The following SERINC1 variants were observed in gnomAD, a reference collection of about 807,000 sequenced individuals.
SERINC1 encodes serine incorporator 1, also known as tumor differentially expressed protein 2.
SERINC1 carries 38 observed loss-of-function variants against 52.9 expected under a neutral mutation model. The observed-to-expected ratio is 0.72, with a 90% CI of 0.55 to 0.94. SERINC1 has a LOEUF of 0.94. Ranked by LOEUF, SERINC1 falls within the 40% of genes least tolerant of loss-of-function variation. The pLI is 0.00. For synonymous variants in SERINC1, 198 were observed against 183.1 expected, an observed-to-expected ratio of 1.08 and a Z score of -0.66; for missense variants, 471 against 533.9, an observed-to-expected ratio of 0.88 and a Z score of 1.16.
rs770189250 is a variant in SERINC1 at position 122,471,731 on chromosome 6, T to C, written c.7A>G (p.Ser3Gly). The C allele has an allele frequency of 6.2e-7, 1 of 1,613,950 alleles. No individual in the cohort carries two copies. The highest frequency in any genetic ancestry group is 8.5e-7 in the Non-Finnish European group (1 of 1,179,978). The change falls in exon 1 of 10, where the codon AGC becomes GGC. Residue 3 changes from serine (S) to glycine (G), a missense_variant. Transcript: ENST00000339697. ...GCCATGGAGCACAGCCCCAGGACGC[T>C]CCCCATCTCCACAACGTCACAAGAG... is the stretch of plus-strand genomic sequence containing the variant. MGSVLGLCSMASW... is the reference protein window; with the variant it reads MGGVLGLCSMASW...
intron 1 of SERINC1, among the ~76,000 whole-genome samples, chr6:122,470,243 T>A (rs927495336): frequency 1.3e-5 from 2 of 152,206 alleles, no homozygotes; most frequent in Non-Finnish European, 2.9e-5. Flanking sequence ...ACCTTTTTAA[T>A]GTACTTCGCT....
intron 2 of SERINC1, among the ~76,000 whole-genome samples, chr6:122,457,173 T>A (rs1416166779): frequency 6.6e-6 from 1 of 152,180 alleles, no homozygotes; most frequent in East Asian, 1.9e-4. Flanking sequence ...ATAGACACTA[T>A]CCCTGTCATT....
chr6:122,453,951 T>G (rs1462736555), intron 4 of SERINC1, 44 bp from the exon 5 acceptor site: 9 of 1,530,730 alleles, frequency 5.9e-6, no homozygotes, highest in Non-Finnish European at 7.9e-6. Flanking sequence ...GTTAGTTTGA[T>G]TTTTATCATT....
chr6:122,469,589 C>T (rs572280039), intron 1 of SERINC1, among the ~76,000 whole-genome samples: 1 of 152,192 alleles, frequency 6.6e-6, no homozygotes, highest in African/African-American at 2.4e-5. Context: ...TGGAGTCTTG[C>T]TCTGTTGCCC....
In SERINC1 at chr6:122,456,496, G is replaced by A; in HGVS notation, c.356C>T (p.Ala119Val). 1 of 1,598,040 alleles carries A rather than the reference G, an allele frequency of 6.3e-7. No homozygotes were observed. The highest frequency in any genetic ancestry group is 8.5e-7 in the Non-Finnish European group (1 of 1,173,916). ...IKVKSSSDPRAAVHNGFWFFK... is the reference protein window; with the variant it reads ...IKVKSSSDPRVAVHNGFWFFK... ...AAAAACTTACCCATTGTGCACTGCA[G>A]CTCTAGGATCACTGCTACTCTTCAC... Residue 119 changes from alanine to valine, a missense_variant, in exon 3 of 10, where the codon GCT becomes GTT. By Grantham distance (64) the Ala-to-Val change is moderately conservative. Coordinates refer to ENST00000339697, the MANE Select transcript of SERINC1 (RefSeq NM_020755.4).
Position 122,453,828 on chromosome 6 carries a change from T to C in SERINC1, c.531A>G (p.Ser177=), listed in dbSNP as rs1248587402. 1 of 1,610,324 alleles carries C rather than the reference T, an allele frequency of 6.2e-7. No homozygotes were observed. The highest frequency in any genetic ancestry group is 8.5e-7 in the Non-Finnish European group (1 of 1,177,426). The change falls in exon 5 of 10, where the codon TCA becomes TCG. Residue 177 remains serine, a synonymous_variant. Transcript: ENST00000339697. ...QLVLLIDFAH[S]WNESWVEKME... is the part of the protein sequence containing the mutation. ...TTTTTTCAACCCACGATTCATTCCA[T>C]GAATGTGCAAAATCAATAAGTAAGA...
At chr6:122,463,442 G>C (rs974721902) in intron 1 of SERINC1, among the ~76,000 whole-genome samples, 4 of 152,070 alleles carry the variant, frequency 2.6e-5, no homozygotes, top group African/African-American at 7.2e-5. Context: ...GAAAATACTT[G>C]CAAGTGAGGT....
At chr6:122,453,292 G>C (rs377081935) in intron 5 of SERINC1, among the ~76,000 whole-genome samples, 1 of 152,078 alleles carries the variant, frequency 6.6e-6, no homozygotes, top group South Asian at 2.1e-4. Flanking sequence ...ATTACTATAG[G>C]AATTCCTTTA....
intron 1 of SERINC1, among the ~76,000 whole-genome samples, chr6:122,469,146 A>C (rs1245808160): frequency 6.6e-6 from 1 of 152,188 alleles, no homozygotes; most frequent in Non-Finnish European, 1.5e-5. Flanking sequence ...CAAAAAGTGA[A>C]CAATTTAACA....
At chr6:122,467,429 A>G (rs1775208832) in intron 1 of SERINC1, among the ~76,000 whole-genome samples, 2 of 152,126 alleles carry the variant, frequency 1.3e-5, no homozygotes, top group South Asian at 4.1e-4. Flanking sequence ...AACATGACAA[A>G]ACACCATCTC....
chr6:122,471,016 CGCATGTTTTGTGCCTAAAGA>C (rs1350852207), intron 1 of SERINC1, among the ~76,000 whole-genome samples: 2 of 150,698 alleles, frequency 1.3e-5, no homozygotes, highest in Non-Finnish European at 3.0e-5. Context: ...AGATGACACA[CGCATGTTTTGTGCCTAAAGA>C]CAAAATTGTC....
chr6:122,465,204 G>A (rs928260471), intron 1 of SERINC1, among the ~76,000 whole-genome samples: 6 of 152,034 alleles, frequency 3.9e-5, no homozygotes, highest in Non-Finnish European at 8.8e-5. Flanking sequence ...AAAAGTTAAC[G>A]AGCAACACAA....
chr6:122,464,321 A>T (rs1775151834), intron 1 of SERINC1, among the ~76,000 whole-genome samples: 1 of 152,216 alleles, frequency 6.6e-6, no homozygotes, highest in Admixed American at 6.5e-5. Flanking sequence ...GAATTAAAGG[A>T]TATTCACAGA....
chr6:122,452,196 G>T, intron 5 of SERINC1, 139 bp from the exon 6 acceptor site: 1 of 516,660 alleles, frequency 1.9e-6, no homozygotes, highest in Non-Finnish European at 3.1e-6. Context: ...CATTATAAAG[G>T]CTATAAAAGC....
At chr6:122,454,407 C>A in intron 3 of SERINC1, 177 bp from the exon 4 acceptor site, 1 of 536,582 alleles carries the variant, frequency 1.9e-6, no homozygotes, top group Admixed American at 3.3e-5. Flanking sequence ...ACAAGGTAAT[C>A]ATCATATTTA....
intron 3 of SERINC1, chr6:122,454,622 C>G (rs1313710696): frequency 5.5e-6 from 1 of 181,504 alleles, no homozygotes; most frequent in African/African-American, 2.4e-5. Flanking sequence ...AATGATAAGA[C>G]ATTTTGGGGA....
Position 122,468,537 on chromosome 6 carries a change from CT to C in SERINC1, c.39+3161del, listed in dbSNP as rs996487077. Among the ~76,000 whole-genome samples the C allele has an allele frequency of 1.8e-3, 262 of 149,476 alleles. 1 individual carries two copies. The highest frequency in any genetic ancestry group is 6.0e-3 in the African/African-American group (245 of 40,812). On this transcript the variant is annotated intron_variant, in intron 1 of 9. Transcript: ENST00000339697. Reference sequence around the variant, plus strand: ...GACAAATGTTAACATTTAAGAATTACTTTTTTTTTTGTTAAATTCAAGAAAC... The same window carrying C: ...GACAAATGTTAACATTTAAGAATTACTTTTTTTTTGTTAAATTCAAGAAAC...
intron 1 of SERINC1, among the ~76,000 whole-genome samples, chr6:122,465,271 A>G (rs1775168553): frequency 6.6e-6 from 1 of 151,264 alleles, no homozygotes; most frequent in African/African-American, 2.5e-5. Flanking sequence ...GAGTCTCTGT[A>G]AGTGACACTA....
At chr6:122,467,441 A>T (rs1189055593) in intron 1 of SERINC1, among the ~76,000 whole-genome samples, 1 of 152,138 alleles carries the variant, frequency 6.6e-6, no homozygotes, top group Admixed American at 6.6e-5. Context: ...CACCATCTCT[A>T]CTAAAAATAT....
Sources: gnomAD v4.1 joint callset for allele counts (sites outside exome capture counted in the v4.1 genomes callset) on GRCh38, gnomAD v4.1.1 for gene constraint, MANE v1.5 for transcripts, NCBI Gene and HGNC (gene_info 2026-07-23, HGNC 2026-07-21) for gene names.